The following GRIP2 variants were observed in gnomAD, a reference collection of about 807,000 sequenced individuals.
The protein encoded by GRIP2 is glutamate receptor interacting protein 2, also known as glutamate receptor-interacting protein 2.
A neutral mutation model predicts 108.3 loss-of-function variants in GRIP2; 58 were observed. The ratio of observed to expected loss-of-function variants is 0.54; its 90% CI spans 0.43 to 0.67. The LOEUF is 0.67. Among genes scored for constraint, GRIP2 ranks in the 30% least tolerant of loss-of-function variants. GRIP2 has a pLI of 0.00. For missense variants in GRIP2, 1,278 were observed against 1,430.6 expected, an observed-to-expected ratio of 0.89 and a Z score of 1.72; for synonymous variants, 586 against 598.2, an observed-to-expected ratio of 0.98 and a Z score of 0.30.
intron 3 of GRIP2, 62 bp from the exon 4 acceptor site, chr3:14,524,600 C>T (rs1373037196): frequency 5.4e-6 from 8 of 1,494,690 alleles, no homozygotes; most frequent in Non-Finnish European, 7.2e-6. Flanking sequence ...TCCTGGCATT[C>T]ACACCCACCC....
rs1323393239 is a variant in GRIP2, at chr3:14,492,663, A to G, written c.*1002T>C. On this transcript the variant is annotated 3_prime_UTR_variant, in exon 24 of 24. Transcript: ENST00000621039. ...TGATCTGGCTGTAAAGAGGAGCGCT[A>G]CCGCCTCACAGGTCCTGCGTCCATC... 1 of 152,110 alleles carries G rather than the reference A, an allele frequency of 6.6e-6. No homozygotes were observed. The highest frequency in any genetic ancestry group is 6.5e-5 in the Admixed American group (1 of 15,270). The allele number at this position is 152,110 out of a possible 1,614,324, so 9.4% of individuals were successfully genotyped here. A position where few individuals can be genotyped will look rare whatever the true frequency, so the allele number is the denominator to read the frequency against.
chr3:14,581,665 GC>G, the GRIP2 span, among the ~76,000 whole-genome samples: 2,545 of 152,346 alleles, frequency 0.017, 86 homozygotes, highest in African/African-American at 0.058. Context: ...AAAGCCAACA[GC>G]CCAGAGAAAG....
chr3:14,497,467 A>G (rs564275217), intron 21 of GRIP2, among the ~76,000 whole-genome samples: 1 of 152,286 alleles, frequency 6.6e-6, no homozygotes, highest in East Asian at 1.9e-4. Flanking sequence ...CCCAGGGAAG[A>G]GTCCCTGGCA....
rs1271884329 is a variant in GRIP2 at position 14,512,865 on chromosome 3, T to C, written c.1640-8A>G. On this transcript the variant is annotated splice_region_variant and splice_polypyrimidine_tract_variant and intron_variant, in intron 13 of 23. Transcript: ENST00000621039. The surrounding 1 kb of genome is among the most constrained non-coding windows in gnomAD (Gnocchi z 5.1). ...TGCTTGGGATGACGGACTCTGGGGG[T>C]AGATGGACATAAACCGACGTGAGGA... The C allele has an allele frequency of 4.3e-6, 7 of 1,613,154 alleles. No homozygotes were observed. The highest frequency in any genetic ancestry group is 5.1e-6 in the Non-Finnish European group (6 of 1,179,642).
rs776162593 is a variant in GRIP2, at chr3:14,527,367, T to TGAAAGGAAAGGAAAGGAAAGGAAAG, written c.41-1461_41-1437dup. 5.2e-5 allele frequency among the ~76,000 whole-genome samples: 7 copies of TGAAAGGAAAGGAAAGGAAAGGAAAG among 135,878 alleles called. No individual in the cohort carries two copies. In the East Asian group the frequency reaches 6.6e-4, roughly 13 times the overall value. 89.1% of individuals were successfully genotyped at this position (135,878 alleles called of 152,430 possible). On this transcript the variant is annotated intron_variant, in intron 1 of 23. Transcript: ENST00000621039. ...TTTCAAATTTCATTTTCTAATTACT[T>TGAAAGGAAAGGAAAGGAAAGGAAAG]GAAAGGAAAGGAAAGGAAAGGAAAG...
At chr3:14,564,454 G>A in the GRIP2 span, among the ~76,000 whole-genome samples, 1 of 152,236 alleles carries the variant, frequency 6.6e-6, no homozygotes, top group Non-Finnish European at 1.5e-5. Context: ...ATGTCTCAGG[G>A]AGGGGACGGC....
rs369531639 is a variant in GRIP2 at position 14,506,875 on chromosome 3, G to A, written c.2324C>T (p.Pro775Leu). The A allele has an allele frequency of 1.1e-5, 18 of 1,606,316 alleles. No individual in the cohort carries two copies. Among genetic ancestry groups the A allele is most frequent in the East Asian group, 4.5e-5 (2 of 44,526 alleles). ...KGGLPAARFS[P>L]AVPSVDSAVE... Reference sequence around the variant, plus strand: ...AGCACTGTCCACACTGGGCACAGCCGGCGAGAAGCGGGCTGCTGGCAGGCC... The same window carrying A: ...AGCACTGTCCACACTGGGCACAGCCAGCGAGAAGCGGGCTGCTGGCAGGCC... The change falls in exon 19 of 24, where the codon CCG (proline) becomes CTG (leucine). Residue 775 changes from proline (P) to leucine (L), a missense_variant. Physicochemically the swap from Pro to Leu is moderately conservative, Grantham distance 98. Transcript: ENST00000621039.
upstream of GRIP2, among the ~76,000 whole-genome samples, chr3:14,546,650 C>A (rs1695062303): frequency 6.6e-6 from 1 of 152,164 alleles, no homozygotes; most frequent in African/African-American, 2.4e-5. Context: ...TGGGCACCAG[C>A]TATAAACAGG....
upstream of GRIP2, among the ~76,000 whole-genome samples, chr3:14,544,448 C>T (rs545660976): frequency 2.0e-5 from 3 of 152,152 alleles, no homozygotes; most frequent in Admixed American, 6.5e-5. Flanking sequence ...AGGGCCTTGT[C>T]GGGGGTGCCC....
the GRIP2 span, chr3:14,602,017 G>T: frequency 4.3e-4 from 66 of 152,440 alleles, no homozygotes; most frequent in African/African-American, 1.5e-3. The surrounding 1 kb of genome is among the most constrained non-coding windows in gnomAD (Gnocchi z 4.7). Context: ...CCCTCCTAAG[G>T]GGGTGATTGT....
chr3:14,590,885 C>T, the GRIP2 span, among the ~76,000 whole-genome samples: 1 of 152,208 alleles, frequency 6.6e-6, no homozygotes, highest in African/African-American at 2.4e-5. Flanking sequence ...AGTAAATCTA[C>T]ATTTTTTTAT....
the GRIP2 span, among the ~76,000 whole-genome samples, chr3:14,594,227 G>A: frequency 1.3e-5 from 2 of 152,212 alleles, no homozygotes; most frequent in African/African-American, 4.8e-5. Flanking sequence ...CAGGGTAGCA[G>A]GTACAGCAAA....
upstream of GRIP2, among the ~76,000 whole-genome samples, chr3:14,546,352 C>G (rs12629796): frequency 0.51 from 77,308 of 151,910 alleles, 20,006 homozygotes; most frequent in East Asian, 0.65. Context: ...CAGGGTCGTG[C>G]TGTGACCTAA....
chr3:14,574,405 C>T, the GRIP2 span: 2 of 769,258 alleles, frequency 2.6e-6, no homozygotes, highest in Non-Finnish European at 4.5e-6. Flanking sequence ...CGGAGCCGCA[C>T]CTTGGGCTGC....
At chr3:14,570,466 A>G in the GRIP2 span, among the ~76,000 whole-genome samples, 1 of 152,184 alleles carries the variant, frequency 6.6e-6, no homozygotes, top group Admixed American at 6.5e-5. Context: ...CAGATTAAAA[A>G]CAGAGCTATG....
rs1043279826 is a variant in GRIP2 at position 14,511,791 on chromosome 3, C to G, written c.1721-312G>C. On this transcript the variant is annotated intron_variant, in intron 14 of 23. Transcript: ENST00000621039. The surrounding 1 kb of genome is among the most constrained non-coding windows in gnomAD (Gnocchi z 4.1). ...TCCTCCTGCTCAGCCCATCCCCCAGCAAACTGCGAGCTCTTTGTGGAGGGG... is the reference window on the plus strand; with the variant it reads ...TCCTCCTGCTCAGCCCATCCCCCAGGAAACTGCGAGCTCTTTGTGGAGGGG... Among the ~76,000 whole-genome samples the G allele has an allele frequency of 2.0e-5, 3 of 152,226 alleles. No individual in the cohort carries two copies. Among genetic ancestry groups the G allele is most frequent in the Admixed American group, 2.0e-4 (3 of 15,282 alleles).
chr3:14,568,975 G>A, the GRIP2 span, among the ~76,000 whole-genome samples: 1 of 152,202 alleles, frequency 6.6e-6, no homozygotes, highest in African/African-American at 2.4e-5. Flanking sequence ...TGGGGCTGTT[G>A]TGGGGGTAAT....
At chr3:14,572,613 A>AAAAC in the GRIP2 span, among the ~76,000 whole-genome samples, 1 of 144,396 alleles carries the variant, frequency 6.9e-6, no homozygotes, top group African/African-American at 2.6e-5. Context: ...CTCCGTCTCA[A>AAAAC]AAAAAAAAAA....
the GRIP2 span, among the ~76,000 whole-genome samples, chr3:14,568,130 GT>G: frequency 6.6e-6 from 1 of 152,230 alleles, no homozygotes; most frequent in Non-Finnish European, 1.5e-5. Flanking sequence ...GAGGACTTTG[GT>G]CTTCCTCAGA....
Sources: gnomAD v4.1 joint callset for allele counts (sites outside exome capture counted in the v4.1 genomes callset) on GRCh38, gnomAD v4.1.1 for gene constraint, Gnocchi (gnomAD v3.1) non-coding constraint, MANE v1.5 for transcripts, NCBI Gene and HGNC (gene_info 2026-07-23, HGNC 2026-07-21) for gene names.